The following SOX5 variants were observed in gnomAD, a reference collection of about 807,000 sequenced individuals.
SOX5 encodes the protein transcription factor SOX-5.
In SOX5, 9 loss-of-function variants were observed where a neutral mutation model predicts 92.0. That is an observed-to-expected ratio of 0.10 (90% CI 0.06 to 0.17). SOX5 has a LOEUF of 0.17. SOX5 is among the 10% of genes least tolerant of loss of function. SOX5 has a pLI of 1.00. For missense variants in SOX5, 642 were observed against 944.5 expected, an observed-to-expected ratio of 0.68 and a Z score of 4.20; for synonymous variants, 344 against 336.3, an observed-to-expected ratio of 1.02 and a Z score of -0.25.
At chr12:24,297,568 G>A (rs977260973) in intron 2 of SOX5, among the ~76,000 whole-genome samples, 6 of 152,188 alleles carry the variant, frequency 3.9e-5, no homozygotes, top group Admixed American at 3.3e-4. Flanking sequence ...ATAATGAACA[G>A]ATCCTCCATA....
chr12:23,971,752 C>A (rs1358789002), intron 4 of SOX5, among the ~76,000 whole-genome samples: 1 of 151,872 alleles, frequency 6.6e-6, no homozygotes, highest in Non-Finnish European at 1.5e-5. Flanking sequence ...TTCTTTGACC[C>A]TTCCCAAGTC....
At chr12:24,020,904 C>T (rs1225394338) in intron 4 of SOX5, among the ~76,000 whole-genome samples, 1 of 152,064 alleles carries the variant, frequency 6.6e-6, no homozygotes, top group Non-Finnish European at 1.5e-5. Context: ...TCATTATTAC[C>T]AGTGATTAAA....
At chr12:24,192,353 T>C (rs748079039) in intron 4 of SOX5, among the ~76,000 whole-genome samples, 1 of 152,090 alleles carries the variant, frequency 6.6e-6, no homozygotes, top group Non-Finnish European at 1.5e-5. Flanking sequence ...AAAATAACAA[T>C]AAAATGTTCT....
intron 3 of SOX5, among the ~76,000 whole-genome samples, chr12:23,799,266 T>C (rs1320418630): frequency 1.3e-5 from 2 of 152,070 alleles, no homozygotes; most frequent in East Asian, 3.8e-4. Flanking sequence ...AATGATGCTG[T>C]AATAACAGGG....
chr12:24,231,424 TA>T (rs1262854312), intron 3 of SOX5, among the ~76,000 whole-genome samples: 2 of 152,128 alleles, frequency 1.3e-5, no homozygotes, highest in Admixed American at 1.3e-4. Flanking sequence ...AACTCAACTC[TA>T]GGGGGAAGAA....
intron 3 of SOX5, among the ~76,000 whole-genome samples, chr12:23,805,059 T>G (rs1483681357): frequency 6.7e-6 from 1 of 149,918 alleles, no homozygotes; most frequent in Non-Finnish European, 1.5e-5. Flanking sequence ...TTTGCATGAC[T>G]AGACGTTTTT....
At chr12:23,858,489 G>A (rs530322696) in intron 2 of SOX5, among the ~76,000 whole-genome samples, 3 of 152,206 alleles carry the variant, frequency 2.0e-5, no homozygotes, top group East Asian at 1.9e-4. Flanking sequence ...AAACCACAGC[G>A]AGATACCATC....
chr12:23,936,022 T>TA (rs1010049200), intron 1 of SOX5, among the ~76,000 whole-genome samples: 45 of 150,906 alleles, frequency 3.0e-4, no homozygotes, highest in Non-Finnish European at 5.8e-4. Flanking sequence ...TGAAATGAGG[T>TA]AAAAAAATAA....
chr12:23,667,476 A>T (rs755407066), intron 6 of SOX5, among the ~76,000 whole-genome samples: 88 of 152,238 alleles, frequency 5.8e-4, no homozygotes, highest in Non-Finnish European at 1.1e-3. Flanking sequence ...TAGTGTCTAA[A>T]TTTTTCAAGA....
intron 3 of SOX5, among the ~76,000 whole-genome samples, chr12:23,822,239 C>T (rs141753488): frequency 0.022 from 3,370 of 152,196 alleles, 67 homozygotes; most frequent in Non-Finnish European, 0.034. Flanking sequence ...AGATCTTTCC[C>T]ACTTTCTCCT....
intron 1 of SOX5, among the ~76,000 whole-genome samples, chr12:24,465,278 A>G (rs916875046): frequency 6.6e-6 from 1 of 152,252 alleles, no homozygotes; most frequent in Admixed American, 6.5e-5. Flanking sequence ...CCTAATCGTT[A>G]CAATGTTTTG....
At chr12:24,236,858 T>C (rs1375906872) in intron 3 of SOX5, among the ~76,000 whole-genome samples, 2 of 151,660 alleles carry the variant, frequency 1.3e-5, no homozygotes, top group African/African-American at 4.9e-5. Flanking sequence ...GTGGGGGCAC[T>C]GAGTGAAAGG....
chr12:23,744,418 A>G (rs1221625418), intron 4 of SOX5, among the ~76,000 whole-genome samples: 2 of 152,090 alleles, frequency 1.3e-5, no homozygotes, highest in Non-Finnish European at 2.9e-5. Context: ...TCAGTCATAA[A>G]ATTCAACATG....
chr12:24,120,843 CTG>C (rs1383731142), intron 4 of SOX5, among the ~76,000 whole-genome samples: 1 of 152,162 alleles, frequency 6.6e-6, no homozygotes, highest in African/African-American at 2.4e-5. Flanking sequence ...CGTTGAAAAA[CTG>C]AGACATTCAA....
At chr12:24,520,142 G>T (rs1950141820) in intron 1 of SOX5, among the ~76,000 whole-genome samples, 1 of 151,994 alleles carries the variant, frequency 6.6e-6, no homozygotes, top group African/African-American at 2.4e-5. Context: ...AAACACTTTT[G>T]AAGTTTTTCA....
chr12:23,723,730 ATATACAATG>A (rs2092958476), intron 6 of SOX5, among the ~76,000 whole-genome samples: 1 of 151,908 alleles, frequency 6.6e-6, no homozygotes, highest in Non-Finnish European at 1.5e-5. Context: ...CATACAATTC[ATATACAATG>A]TATACACAGA....
intron 4 of SOX5, among the ~76,000 whole-genome samples, chr12:24,039,793 A>AT (rs1277879936): frequency 6.6e-6 from 1 of 152,208 alleles, no homozygotes; most frequent in African/African-American, 2.4e-5. Context: ...AAAATATTAA[A>AT]TGGAAACACT....
chr12:23,938,374 A>T (rs1943007987), intron 1 of SOX5, among the ~76,000 whole-genome samples: 1 of 151,054 alleles, frequency 6.6e-6, no homozygotes, highest in South Asian at 2.1e-4. Context: ...TTTTACTATG[A>T]AAATCTATAA....
chr12:24,062,557 A>G (rs1569529242), intron 4 of SOX5, among the ~76,000 whole-genome samples: 1 of 152,226 alleles, frequency 6.6e-6, no homozygotes, highest in South Asian at 2.1e-4. Flanking sequence ...GAGTTCTTCA[A>G]CTATGCTTCC....
Sources: allele counts gnomAD v4.1 joint callset (sites outside exome capture counted in the v4.1 genomes callset), GRCh38; gene constraint gnomAD v4.1.1; transcripts MANE v1.5; gene names NCBI Gene and HGNC (gene_info 2026-07-23, HGNC 2026-07-21).